The following TRAM2 variants were observed in gnomAD, a reference collection of about 807,000 sequenced individuals.
TRAM2 encodes translocation associated membrane protein 2, also known as translocating chain-associated membrane protein 2.
In TRAM2, 12 loss-of-function variants were observed where a neutral mutation model predicts 51.0. That is an observed-to-expected ratio of 0.24 (90% CI 0.15 to 0.38). TRAM2 has a LOEUF of 0.38. Ranked by LOEUF, TRAM2 falls within the 10% of genes least tolerant of loss-of-function variation. The probability of loss-of-function intolerance (pLI) is 1.00; values close to 1 mark genes in which losing one functional copy is unlikely to be tolerated. For missense variants in TRAM2, 361 were observed against 462.0 expected, an observed-to-expected ratio of 0.78 and a Z score of 2.00; for synonymous variants, 175 against 179.4, an observed-to-expected ratio of 0.98 and a Z score of 0.20.
chr6:52,497,446 GATC>G lies in TRAM2; in HGVS notation c.*5748_*5750del, dbSNP rs1362323597. 2.0e-5 allele frequency: 3 copies of G among 152,470 alleles called. No individual in the cohort carries two copies. Among genetic ancestry groups the G allele is most frequent in the South Asian group, 2.1e-4 (1 of 4,830 alleles). The allele number at this position is 152,470 out of a possible 1,614,324, so 9.4% of individuals were successfully genotyped here. A position where few individuals can be genotyped will look rare whatever the true frequency, so the allele number is the denominator to read the frequency against. ...TTTATTGTTATTTCAGAAAATATTT[GATC>G]ATTTGTTCCAAAATGTACATTTAAA... On this transcript the variant is annotated 3_prime_UTR_variant, in exon 11 of 11. Transcript: ENST00000182527.
intron 1 of TRAM2, among the ~76,000 whole-genome samples, chr6:52,536,613 C>G (rs887695168): frequency 2.6e-5 from 4 of 152,170 alleles, no homozygotes; most frequent in Non-Finnish European, 4.4e-5. Context: ...TATCTACCAG[C>G]AAGTAATCTT....
intron 2 of TRAM2, among the ~76,000 whole-genome samples, chr6:52,531,914 A>G (rs1766899049): frequency 6.6e-6 from 1 of 152,186 alleles, no homozygotes; most frequent in Admixed American, 6.5e-5. Context: ...ACATTATTTT[A>G]CACCCAGACC....
chr6:52,570,060 T>C (rs1300670953), intron 1 of TRAM2, among the ~76,000 whole-genome samples: 1 of 152,184 alleles, frequency 6.6e-6, no homozygotes, highest in Non-Finnish European at 1.5e-5. Flanking sequence ...GTAAACACAG[T>C]AGAAGACTTC....
chr6:52,569,306 C>A (rs1397673643), intron 1 of TRAM2, among the ~76,000 whole-genome samples: 1 of 151,448 alleles, frequency 6.6e-6, no homozygotes, highest in Non-Finnish European at 1.5e-5. Flanking sequence ...GGGAGAATCG[C>A]TTGAACCCGG....
At chr6:52,508,149 A>G (rs2114062352) in intron 6 of TRAM2, 85 bp downstream of exon 6, 2 of 1,271,770 alleles carry the variant, frequency 1.6e-6, no homozygotes, top group Non-Finnish European at 2.2e-6. Context: ...GCTTCTGGAG[A>G]AAAGGAAGGG....
At chr6:52,522,951 G>A (rs1022881657) in intron 2 of TRAM2, 1 of 701,928 alleles carries the variant, frequency 1.4e-6, no homozygotes, top group Non-Finnish European at 2.6e-6. Flanking sequence ...CCACTGTGCG[G>A]TCTCTGACCT....
At chr6:52,562,883 T>G (rs924299758) in intron 1 of TRAM2, among the ~76,000 whole-genome samples, 30 of 152,238 alleles carry the variant, frequency 2.0e-4, no homozygotes, top group African/African-American at 7.0e-4. Flanking sequence ...TATGTAACCA[T>G]ACATTTTCAT....
intron 9 of TRAM2, 126 bp downstream of exon 9, chr6:52,505,473 A>C: frequency 2.4e-5 from 32 of 1,349,032 alleles, no homozygotes; most frequent in Non-Finnish European, 2.9e-5. Flanking sequence ...CCTGATATCC[A>C]GAGATTTCCA....
intron 8 of TRAM2, 79 bp from the exon 9 acceptor site, chr6:52,505,821 C>A (rs1293074593): frequency 6.6e-7 from 1 of 1,523,712 alleles, no homozygotes; most frequent in South Asian, 1.3e-5. Flanking sequence ...AGAAGAGACC[C>A]CGAGTGGGAA....
chr6:52,560,770 A>G (rs1250823501), intron 1 of TRAM2, among the ~76,000 whole-genome samples: 1 of 152,244 alleles, frequency 6.6e-6, no homozygotes, highest in African/African-American at 2.4e-5. Flanking sequence ...ATAATGGGCA[A>G]TATTCATAAT....
chr6:52,552,949 T>C (rs1562486740), intron 1 of TRAM2, among the ~76,000 whole-genome samples: 1 of 152,136 alleles, frequency 6.6e-6, no homozygotes, highest in Non-Finnish European at 1.5e-5. Flanking sequence ...TCATTTCTAC[T>C]CCCAATGCTG....
At chr6:52,508,373 G>A (rs1766388830) in intron 5 of TRAM2, 55 bp from the exon 6 acceptor site, 5 of 1,546,526 alleles carry the variant, frequency 3.2e-6, no homozygotes, top group Admixed American at 3.4e-5. Context: ...GTCCCTGCAG[G>A]TGCTGGCCAA....
At chr6:52,555,484 CAG>C (rs1042658029) in intron 1 of TRAM2, among the ~76,000 whole-genome samples, 7 of 152,072 alleles carry the variant, frequency 4.6e-5, no homozygotes, top group African/African-American at 1.2e-4. Context: ...AATCCTACGA[CAG>C]AGAAAAACAC....
intron 2 of TRAM2, among the ~76,000 whole-genome samples, chr6:52,535,109 C>T (rs916123609): frequency 1.2e-4 from 18 of 152,230 alleles, no homozygotes; most frequent in Admixed American, 9.2e-4. Flanking sequence ...ACTATCAAAA[C>T]GCAACATCCT....
At chr6:52,529,268 C>T (rs930835042) in intron 2 of TRAM2, among the ~76,000 whole-genome samples, 6 of 152,132 alleles carry the variant, frequency 3.9e-5, no homozygotes, top group African/African-American at 7.2e-5. Flanking sequence ...CTCCCCACCT[C>T]CCCCCAGCTT....
chr6:52,513,048 CT>C (rs932980004), intron 4 of TRAM2, among the ~76,000 whole-genome samples: 2 of 151,978 alleles, frequency 1.3e-5, no homozygotes, highest in African/African-American at 4.8e-5. Context: ...TGTTTTTTTT[CT>C]TTTTCCCTCA....
At chr6:52,526,174 C>G (rs745529357) in intron 2 of TRAM2, among the ~76,000 whole-genome samples, 2,183 of 93,690 alleles carry the variant, frequency 0.023, 37 homozygotes, top group East Asian at 0.062. Flanking sequence ...CACACACACA[C>G]ACACACACAC....
chr6:52,557,192 C>CAAAAAAAAAAAAAAAAAAA (rs371429027), intron 1 of TRAM2, among the ~76,000 whole-genome samples: 1 of 140,092 alleles, frequency 7.1e-6, no homozygotes, highest in Non-Finnish European at 1.6e-5. Context: ...AACTCTGTCT[C>CAAAAAAAAAAAAAAAAAAA]AAAAAAAAAA....
intron 2 of TRAM2, among the ~76,000 whole-genome samples, chr6:52,517,599 T>A (rs1327284510): frequency 6.6e-6 from 1 of 152,240 alleles, no homozygotes; most frequent in Non-Finnish European, 1.5e-5. Context: ...GCATCCTTGC[T>A]CCAGTCAGTG....
Sources: allele counts gnomAD v4.1 joint callset (sites outside exome capture counted in the v4.1 genomes callset), GRCh38; gene constraint gnomAD v4.1.1; transcripts MANE v1.5; gene names NCBI Gene and HGNC (gene_info 2026-07-23, HGNC 2026-07-21).